Variants in RERE observed in about 807,000 individuals in gnomAD.
The protein encoded by RERE is arginine-glutamic acid dipeptide repeats, also known as arginine-glutamic acid dipeptide repeats protein.
Under a neutral mutation model 146.1 loss-of-function variants are expected in RERE, and 40 were observed. That is an observed-to-expected ratio of 0.27 (90% CI 0.21 to 0.36). The LOEUF (loss-of-function observed/expected upper bound fraction) is 0.36. RERE is among the 10% of genes least tolerant of loss of function. The pLI is 1.00. For missense variants in RERE, 1,933 were observed against 2,138.7 expected (o/e 0.90, Z 1.90); for synonymous variants, 1,003 against 866.0 (o/e 1.16, Z -2.78).
intron 1 of RERE, among the ~76,000 whole-genome samples, chr1:8,693,092 C>A (rs946593864): frequency 6.6e-6 from 1 of 152,114 alleles, no homozygotes; most frequent in African/African-American, 2.4e-5. Context: ...ACTGACAACA[C>A]CAAATGGTAG....
At chr1:8,632,947 T>A (rs1363600173) in intron 2 of RERE, among the ~76,000 whole-genome samples, 3 of 152,220 alleles carry the variant, frequency 2.0e-5, no homozygotes, top group Non-Finnish European at 4.4e-5. Flanking sequence ...AAGACATTTT[T>A]AAAAACATAC....
intron 1 of RERE, among the ~76,000 whole-genome samples, chr1:8,689,468 A>G (rs1209742816): frequency 6.6e-6 from 1 of 152,204 alleles, no homozygotes; most frequent in East Asian, 1.9e-4. Context: ...AAAGGATACA[A>G]TATCACAAGT....
chr1:8,725,190 A>G (rs1639936203), intron 1 of RERE, among the ~76,000 whole-genome samples: 1 of 152,236 alleles, frequency 6.6e-6, no homozygotes, highest in Admixed American at 6.5e-5. Flanking sequence ...TAGTTTTAAC[A>G]TTACTGAAAG....
intron 4 of RERE, among the ~76,000 whole-genome samples, chr1:8,601,903 A>C (rs1434035857): frequency 6.6e-6 from 1 of 152,160 alleles, no homozygotes. Context: ...GCAGTGCAGC[A>C]GCGCTCTCCA....
chr1:8,625,452 T>A (rs1489539973), intron 2 of RERE, among the ~76,000 whole-genome samples: 1 of 152,162 alleles, frequency 6.6e-6, no homozygotes, highest in African/African-American at 2.4e-5. Flanking sequence ...AATCTAGGAA[T>A]AGTGACCACA....
chr1:8,616,641 T>C (rs1646855448), intron 3 of RERE, among the ~76,000 whole-genome samples: 1 of 152,188 alleles, frequency 6.6e-6, no homozygotes, highest in Non-Finnish European at 1.5e-5. Context: ...TTCAGAAATA[T>C]ATTTTATGGA....
intron 1 of RERE, among the ~76,000 whole-genome samples, chr1:8,665,650 G>A (rs1446741733): frequency 6.6e-6 from 1 of 152,142 alleles, no homozygotes; most frequent in Non-Finnish European, 1.5e-5. Flanking sequence ...AGCTACAGGG[G>A]AAAAAGAGCA....
chr1:8,354,998 T>A lies in RERE; in HGVS notation c.*89A>T. ...AGAAATCTTTAGAAGATATTCTTTT[T>A]GCTTTTGCAGCTCCTATTTTATGTA... On this transcript the variant is annotated 3_prime_UTR_variant, in exon 23 of 23. Transcript: ENST00000400908. The A allele has an allele frequency of 3.9e-6, 4 of 1,031,828 alleles. No individual in the cohort carries two copies. Among genetic ancestry groups the A allele is most frequent in the Non-Finnish European group, 5.9e-6 (4 of 676,236 alleles). 63.9% of individuals were successfully genotyped at this position (1,031,828 alleles called of 1,614,324 possible). A position where few individuals can be genotyped will look rare whatever the true frequency, so the allele number is the denominator to read the frequency against.
At chr1:8,683,329 C>G in intron 1 of RERE, among the ~76,000 whole-genome samples, 1 of 152,086 alleles carries the variant, frequency 6.6e-6, no homozygotes, top group Admixed American at 6.5e-5. Context: ...ATCTTTTCCC[C>G]AATTCTCTGC....
chr1:8,792,172 A>G (rs1282959472), intron 1 of RERE, among the ~76,000 whole-genome samples: 1 of 152,238 alleles, frequency 6.6e-6, no homozygotes, highest in Non-Finnish European at 1.5e-5. Flanking sequence ...CAAGTTATAA[A>G]TTCTTATAAC....
intron 4 of RERE, among the ~76,000 whole-genome samples, chr1:8,585,549 A>T (rs1001684895): frequency 3.3e-5 from 5 of 152,218 alleles, no homozygotes; most frequent in African/African-American, 1.2e-4. Flanking sequence ...CAAGATGAGG[A>T]TGGAACACCT....
At chr1:8,501,938 G>T (rs1645168962) in intron 8 of RERE, among the ~76,000 whole-genome samples, 1 of 96,304 alleles carries the variant, frequency 1.0e-5, no homozygotes, top group East Asian at 3.2e-4. Flanking sequence ...AGGGAGGTGG[G>T]GGGGATCAGC....
chr1:8,774,347 A>ATTTTTTTTTTTTTTT (rs34859762), intron 1 of RERE, among the ~76,000 whole-genome samples: 4 of 93,178 alleles, frequency 4.3e-5, no homozygotes, highest in Non-Finnish European at 8.3e-5. Flanking sequence ...TTGGCAAACT[A>ATTTTTTTTTTTTTTT]TTTTTTTTTT....
At chr1:8,501,922 T>C (rs1645167432) in intron 8 of RERE, among the ~76,000 whole-genome samples, 1 of 67,764 alleles carries the variant, frequency 1.5e-5, no homozygotes, top group Non-Finnish European at 2.9e-5. Flanking sequence ...AGCCGCCCCG[T>C]CCGGGAGGGA....
intron 4 of RERE, among the ~76,000 whole-genome samples, chr1:8,585,752 T>C (rs919746403): frequency 6.6e-6 from 1 of 152,250 alleles, no homozygotes; most frequent in Non-Finnish European, 1.5e-5. Flanking sequence ...ACTGGGTAAA[T>C]AAACGGAAGC....
At chr1:8,666,942 A>G (rs1271928619) in intron 1 of RERE, among the ~76,000 whole-genome samples, 1 of 152,240 alleles carries the variant, frequency 6.6e-6, no homozygotes, top group Non-Finnish European at 1.5e-5. Context: ...TCATTCTCAG[A>G]ATATACGGCT....
chr1:8,801,217 G>A lies in RERE; in HGVS notation c.-145+15943C>T, dbSNP rs1178746314. Among the ~76,000 whole-genome samples, 4 of 151,912 alleles carry A rather than the reference G, an allele frequency of 2.6e-5. 1 individual carries two copies. Among genetic ancestry groups the A allele is most frequent in the South Asian group, 4.2e-4 (2 of 4,818 alleles). Reference sequence around the variant, plus strand: ...TGAGGCTGCAGTCGGCCCTGATCGCGCCACTGCACTCCAACCTGGACGGCA... The same window carrying A: ...TGAGGCTGCAGTCGGCCCTGATCGCACCACTGCACTCCAACCTGGACGGCA... On this transcript the variant is annotated intron_variant, in intron 1 of 22. Coordinates refer to ENST00000400908, the MANE Select transcript of RERE (RefSeq NM_001042681.2).
At chr1:8,506,423 T>A (rs996141588) in intron 8 of RERE, among the ~76,000 whole-genome samples, 6 of 152,246 alleles carry the variant, frequency 3.9e-5, no homozygotes, top group African/African-American at 9.6e-5. Flanking sequence ...CATAACTCCT[T>A]CACTTCTTAA....
intron 12 of RERE, among the ~76,000 whole-genome samples, chr1:8,413,248 T>C (rs769302564): frequency 5.3e-5 from 8 of 152,186 alleles, no homozygotes; most frequent in South Asian, 2.1e-4. Context: ...TAAATACATA[T>C]ATGCATTCAT....
Sources: gnomAD v4.1 joint callset for allele counts (sites outside exome capture counted in the v4.1 genomes callset) on GRCh38, gnomAD v4.1.1 for gene constraint, MANE v1.5 for transcripts, NCBI Gene and HGNC (gene_info 2026-07-23, HGNC 2026-07-21) for gene names.